Variants in EYA1 observed in about 807,000 individuals in gnomAD.
EYA1 encodes the protein EYA transcriptional coactivator and phosphatase 1.
Under a neutral mutation model 82.0 loss-of-function variants are expected in EYA1, and 16 were observed. The observed-to-expected ratio is 0.20, with a 90% CI of 0.13 to 0.30. EYA1 has a LOEUF of 0.30. Ranked by LOEUF, EYA1 falls within the 10% of genes least tolerant of loss-of-function variation. EYA1 has a pLI of 1.00. For missense variants in EYA1, 633 were observed against 730.7 expected, an observed-to-expected ratio of 0.87 and a Z score of 1.54; for synonymous variants, 261 against 264.4, an observed-to-expected ratio of 0.99 and a Z score of 0.12.
intron 11 of EYA1, among the ~76,000 whole-genome samples, chr8:71,266,252 C>T (rs529559602): frequency 6.6e-6 from 1 of 152,190 alleles, no homozygotes; most frequent in Admixed American, 6.5e-5. Context: ...AGGAACACCA[C>T]CAAATCTGTG....
Position 71,299,194 on chromosome 8 carries a change from C to A in EYA1, c.679G>T (p.Ala227Ser). Residue 227 changes from alanine to serine, a missense_variant, in exon 9 of 18, where the codon GCA becomes TCA. By Grantham distance (99) the Ala-to-Ser change is moderately conservative. Coordinates refer to ENST00000340726, the MANE Select transcript of EYA1 (RefSeq NM_000503.6). The stretch of plus-strand genomic sequence containing the variant: ...TACGGTGAGCTGTTATAATACTGTG[C>A]GTACTGACCCTGGCCAAAACTGGGA... ...SYPSFGQGQY[A>S]QYYNSSPYPA... The A allele has an allele frequency of 6.2e-7, 1 of 1,614,052 alleles. No homozygotes were observed. The highest frequency in any genetic ancestry group is 8.5e-7 in the Non-Finnish European group (1 of 1,179,988).
chr8:71,350,809 T>A (rs2129064074), intron 3 of EYA1, among the ~76,000 whole-genome samples: 1 of 152,286 alleles, frequency 6.6e-6, no homozygotes, highest in Middle Eastern at 3.4e-3. Context: ...CTGACCAATC[T>A]TAAGCTCCCA....
chr8:71,503,065 A>G (rs1811931500), intron 2 of EYA1, among the ~76,000 whole-genome samples: 1 of 152,196 alleles, frequency 6.6e-6, no homozygotes, highest in African/African-American at 2.4e-5. Flanking sequence ...TTTCTTTCCA[A>G]TAAGAGTGCA....
At chr8:71,483,889 G>C (rs1810366473) in intron 2 of EYA1, among the ~76,000 whole-genome samples, 1 of 152,152 alleles carries the variant, frequency 6.6e-6, no homozygotes, top group Admixed American at 6.6e-5. Context: ...GGGAAACAAA[G>C]GGTCAATCAG....
intron 2 of EYA1, among the ~76,000 whole-genome samples, chr8:71,429,791 A>G (rs1440419454): frequency 6.6e-6 from 1 of 152,180 alleles, no homozygotes; most frequent in Non-Finnish European, 1.5e-5. Context: ...GAGGACAGGT[A>G]GCACTATGAT....
At chr8:71,306,273 A>C (rs975246672) in intron 7 of EYA1, among the ~76,000 whole-genome samples, 1 of 152,216 alleles carries the variant, frequency 6.6e-6, no homozygotes, top group Non-Finnish European at 1.5e-5. Flanking sequence ...AGTTTTGGGA[A>C]GTTGGGTGAG....
intron 2 of EYA1, among the ~76,000 whole-genome samples, chr8:71,443,095 T>A (rs951384900): frequency 6.6e-6 from 1 of 152,058 alleles, no homozygotes; most frequent in Non-Finnish European, 1.5e-5. Context: ...AACAGAAGAA[T>A]GTCATGGCTA....
chr8:71,323,861 G>A (rs1822860580), intron 4 of EYA1: 1 of 152,226 alleles, frequency 6.6e-6, no homozygotes, highest in African/African-American at 2.4e-5. Context: ...AGAACACTTG[G>A]ACTATGAGCA....
intron 1 of EYA1, among the ~76,000 whole-genome samples, chr8:71,538,802 T>C (rs938066572): frequency 2.0e-5 from 3 of 152,098 alleles, no homozygotes; most frequent in Non-Finnish European, 4.4e-5. Context: ...TGACATTTGT[T>C]TGGGGAGATG....
chr8:71,420,237 T>C (rs1167303296), intron 2 of EYA1, among the ~76,000 whole-genome samples: 1 of 152,214 alleles, frequency 6.6e-6, no homozygotes, highest in African/African-American at 2.4e-5. Context: ...ATTTGGCTAA[T>C]GGTCTGGGGA....
chr8:71,211,068 A>G (rs1200744923), intron 17 of EYA1, 88 bp downstream of exon 17: 7 of 853,138 alleles, frequency 8.2e-6, no homozygotes, highest in Non-Finnish European at 1.4e-5. Flanking sequence ...GTTTCACATA[A>G]ATGGAACCTG....
In EYA1 at chr8:71,391,019, G is replaced by T. The variant is rs1829249143; in HGVS notation, c.34-34508C>A. Among the ~76,000 whole-genome samples, 5 of 152,052 alleles carry T rather than the reference G, an allele frequency of 3.3e-5. No individual in the cohort carries two copies. The South Asian group carries it at 1.0e-3, about 32-fold the overall frequency. On this transcript the variant is annotated intron_variant, in intron 2 of 18. Transcript: ENST00000643681. ...GACAGGGTCTCGCTCTGTCATCCAG[G>T]CTGGAGTGCAGTGGTGCGATCTCGG...
intron 2 of EYA1, among the ~76,000 whole-genome samples, chr8:71,471,448 C>T (rs1185989023): frequency 2.6e-5 from 4 of 151,824 alleles, no homozygotes; most frequent in Admixed American, 2.6e-4. Flanking sequence ...CATTTATGTG[C>T]ATATAGATGT....
At chr8:71,523,517 C>T (rs1245476182) in intron 2 of EYA1, among the ~76,000 whole-genome samples, 1 of 152,152 alleles carries the variant, frequency 6.6e-6, no homozygotes, top group Non-Finnish European at 1.5e-5. Flanking sequence ...AAGGTGAAAG[C>T]CACTAACCTC....
At chr8:71,338,383 T>A (rs897497845) in intron 3 of EYA1, among the ~76,000 whole-genome samples, 12 of 152,210 alleles carry the variant, frequency 7.9e-5, no homozygotes, top group Non-Finnish European at 1.5e-4. Flanking sequence ...GATCAATAAT[T>A]CCAGGAGAAA....
intron 2 of EYA1, among the ~76,000 whole-genome samples, chr8:71,476,207 G>A (rs184284083): frequency 1.9e-4 from 29 of 152,126 alleles, no homozygotes; most frequent in Admixed American, 9.8e-4. Flanking sequence ...AATGAGTACC[G>A]GGCTTATATA....
intron 12 of EYA1, among the ~76,000 whole-genome samples, chr8:71,225,880 A>G (rs1171963910): frequency 2.0e-5 from 3 of 152,196 alleles, no homozygotes; most frequent in African/African-American, 7.2e-5. Context: ...TAAGTGAGAG[A>G]GATTTTACTA....
chr8:71,283,148 G>T (rs1429353187), intron 9 of EYA1, among the ~76,000 whole-genome samples: 2 of 151,834 alleles, frequency 1.3e-5, no homozygotes, highest in Non-Finnish European at 2.9e-5. Context: ...TTTCCCAGAG[G>T]CTCCAATGCC....
intron 2 of EYA1, among the ~76,000 whole-genome samples, chr8:71,378,039 T>C (rs373730707): frequency 1.3e-5 from 2 of 152,160 alleles, no homozygotes; most frequent in East Asian, 3.8e-4. Flanking sequence ...CTCCAACATC[T>C]TCTCCCATGT....
Sources: allele counts gnomAD v4.1 joint callset (sites outside exome capture counted in the v4.1 genomes callset), GRCh38; gene constraint gnomAD v4.1.1; transcripts MANE v1.5; gene names NCBI Gene and HGNC (gene_info 2026-07-23, HGNC 2026-07-21).